ZDBF2: variants seen among roughly 807,000 people sequenced by gnomAD.
The protein encoded by ZDBF2 is zinc finger DBF-type containing 2.
A neutral mutation model predicts 9.4 loss-of-function variants in ZDBF2; 6 were observed. The observed-to-expected ratio is 0.64, with a 90% CI of 0.35 to 1.27. The LOEUF is 1.27. Among genes scored for constraint, ZDBF2 ranks in the 50% most tolerant of loss-of-function variants. ZDBF2 has a pLI of 0.03. For missense variants in ZDBF2, 2,697 were observed against 2,766.8 expected (o/e 0.97, Z 0.57); for synonymous variants, 905 against 946.3 (o/e 0.96, Z 0.80).
intron 4 of ZDBF2, among the ~76,000 whole-genome samples, chr2:206,301,576 C>T (rs1203746874): frequency 6.6e-6 from 1 of 151,704 alleles, no homozygotes; most frequent in Admixed American, 6.6e-5. Context: ...TTTTGAATAC[C>T]ATTTTGTTTC....
At chr2:206,301,307 A>T (rs1484360014) in intron 4 of ZDBF2, among the ~76,000 whole-genome samples, 4 of 152,136 alleles carry the variant, frequency 2.6e-5, no homozygotes, top group African/African-American at 7.2e-5. Context: ...TGTATATGTT[A>T]TTCTTTATTA....
At chr2:206,297,961 G>A (rs796083553) in intron 4 of ZDBF2, among the ~76,000 whole-genome samples, 41 of 152,264 alleles carry the variant, frequency 2.7e-4, no homozygotes, top group African/African-American at 8.7e-4. Flanking sequence ...GATTACAGGC[G>A]TGAGCTACCA....
intron 3 of ZDBF2, chr2:206,292,155 T>G (rs1315947624): frequency 1.0e-5 from 4 of 398,066 alleles, no homozygotes; most frequent in Non-Finnish European, 1.8e-5. Context: ...AATACTGTCT[T>G]GTGGGATGAA....
At position 206,305,682 on chromosome 2, in the gene ZDBF2, T is replaced by C; in HGVS notation, c.1154T>C (p.Leu385Ser). ...SDQPQETAQD[L>S]SLWKEEQIDQ... Reference sequence around the variant, plus strand: ...CAGCCCCAAGAGACTGCACAAGACTTAAGTCTTTGGAAGGAGGAGCAAATT... The same window carrying C: ...CAGCCCCAAGAGACTGCACAAGACTCAAGTCTTTGGAAGGAGGAGCAAATT... The change falls in exon 5 of 5, where the codon TTA becomes TCA. Residue 385 changes from leucine to serine, a missense_variant. Leu to Ser is a moderately radical substitution (Grantham distance 145). This residue lies in a region of ZDBF2 where 910 missense variants were observed against 973.6 expected (regional missense o/e 0.93). Coordinates refer to ENST00000374423, the MANE Select transcript of ZDBF2 (RefSeq NM_020923.3). 2.5e-6 allele frequency: 4 copies of C among 1,613,680 alleles called. No homozygotes were observed. Among genetic ancestry groups the C allele is most frequent in the Non-Finnish European group, 3.4e-6 (4 of 1,179,772 alleles).
At chr2:206,281,741 C>G (rs1028052820) in intron 2 of ZDBF2, 60 bp from the exon 3 acceptor site, 1 of 981,248 alleles carries the variant, frequency 1.0e-6, no homozygotes, top group African/African-American at 1.7e-5. Flanking sequence ...ATTATCATAG[C>G]CATTTTCCTC....
rs747179449 is a variant in ZDBF2 at position 206,309,918 on chromosome 2, C to CTGT, written c.5391_5393dup (p.Val1798dup). ...TCAAGCTCTGTTCTCAAGGTTGATT[C>CTGT]TGTAAGGAACCTGAAAAAAGCAAAG... On this transcript the variant is annotated inframe_insertion, in exon 5 of 5. Coordinates refer to ENST00000374423, the MANE Select transcript of ZDBF2 (RefSeq NM_020923.3). 2 of 1,613,904 alleles carry CTGT rather than the reference C, an allele frequency of 1.2e-6. No homozygotes were observed. The highest frequency in any genetic ancestry group is 1.7e-6 in the Non-Finnish European group (2 of 1,179,880).
At chr2:206,280,654 A>C (rs1451418768) in intron 2 of ZDBF2, among the ~76,000 whole-genome samples, 2 of 152,210 alleles carry the variant, frequency 1.3e-5, no homozygotes, top group African/African-American at 4.8e-5. Flanking sequence ...AATTTTCCTC[A>C]TAAATGTGAG....
intron 3 of ZDBF2, among the ~76,000 whole-genome samples, chr2:206,295,450 G>T (rs965868535): frequency 6.9e-6 from 1 of 145,938 alleles, no homozygotes; most frequent in South Asian, 2.2e-4. Flanking sequence ...TGCAACCTCC[G>T]CCTCCAGGGT....
At position 206,306,683 on chromosome 2, in the gene ZDBF2, C is replaced by G; in HGVS notation, c.2155C>G (p.His719Asp). 1 of 1,613,806 alleles carries G rather than the reference C, an allele frequency of 6.2e-7. No homozygotes were observed. Among genetic ancestry groups the G allele is most frequent in the Non-Finnish European group, 8.5e-7 (1 of 1,179,792 alleles). The change falls in exon 5 of 5, where the codon CAT (histidine) becomes GAT (aspartate). Residue 719 changes from histidine to aspartate, a missense_variant. Around this residue, in one of 3 missense-constraint regions of ZDBF2, gnomAD observed 910 missense variants for 973.6 expected, o/e 0.93. Coordinates refer to ENST00000374423, the MANE Select transcript of ZDBF2 (RefSeq NM_020923.3). ...TCCGGCTTCTCTTTATCATTCAGCT[C>G]ATGATGAGCCTCAAGAAGCTTTGGA... is the stretch of plus-strand genomic sequence containing the variant. ...DSPASLYHSA[H>D]DEPQEALDEV...
In ZDBF2 at chr2:206,305,531, T is replaced by C. The variant is rs200356180; in HGVS notation, c.1003T>C (p.Ser335Pro). The change falls in exon 5 of 5, where the codon TCT becomes CCT. Residue 335 changes from serine (S) to proline (P), a missense_variant. Ser to Pro is a moderately conservative substitution (Grantham distance 74). Transcript: ENST00000374423. ...TIAKNHEEFF[S>P]NMDCTQEEKH... ...TGCAAAGAACCATGAGGAATTCTTT[T>C]CTAACATGGATTGTACCCAAGAAGA... The C allele has an allele frequency of 3.1e-6, 5 of 1,613,630 alleles. No individual in the cohort carries two copies. In the East Asian group the frequency reaches 1.1e-4, roughly 36 times the overall value.
At chr2:206,295,415 G>A (rs1692119338) in intron 3 of ZDBF2, among the ~76,000 whole-genome samples, 1 of 144,564 alleles carries the variant, frequency 6.9e-6, no homozygotes, top group Non-Finnish European at 1.5e-5. Context: ...CCAGGTTGGA[G>A]TGCAGTGATG....
intron 3 of ZDBF2, among the ~76,000 whole-genome samples, chr2:206,284,653 T>C (rs1170952436): frequency 6.6e-6 from 1 of 152,228 alleles, no homozygotes. Flanking sequence ...TCTCTAGTTT[T>C]ACGAGCACAA....
chr2:206,305,948 C>T lies in ZDBF2; in HGVS notation c.1420C>T (p.Leu474Phe). ...CCAAATGATTGTTAAAGAAATAAGTCTTCAGAATGCAAGGCATATTAGCCT... is the reference window on the plus strand; with the variant it reads ...CCAAATGATTGTTAAAGAAATAAGTTTTCAGAATGCAAGGCATATTAGCCT... ...QSQMIVKEIS[L>F]QNARHISLVD... is the part of the protein sequence containing the mutation. The change falls in exon 5 of 5, where the codon CTT (leucine) becomes TTT (phenylalanine). Residue 474 changes from leucine to phenylalanine, a missense_variant. Transcript: ENST00000374423. 4 of 1,613,306 alleles carry T rather than the reference C, an allele frequency of 2.5e-6. No homozygotes were observed. The highest frequency in any genetic ancestry group is 3.4e-6 in the Non-Finnish European group (4 of 1,179,624).
At chr2:206,277,400 G>A (rs1030041713) in intron 1 of ZDBF2, among the ~76,000 whole-genome samples, 2 of 151,562 alleles carry the variant, frequency 1.3e-5, no homozygotes, top group African/African-American at 2.4e-5. Flanking sequence ...AGAAATCTCT[G>A]TTCACTGCCT....
In ZDBF2 at chr2:206,311,714, T is replaced by C; in HGVS notation, c.*121T>C. 9 of 1,043,636 alleles carry C rather than the reference T, an allele frequency of 8.6e-6. No individual in the cohort carries two copies. The highest frequency in any genetic ancestry group is 1.0e-5 in the Non-Finnish European group (8 of 798,518). The allele number at this position is 1,043,636 out of a possible 1,614,324, so 64.6% of individuals were successfully genotyped here. On this transcript the variant is annotated 3_prime_UTR_variant, in exon 5 of 5. Coordinates refer to ENST00000374423, the MANE Select transcript of ZDBF2 (RefSeq NM_020923.3). Reference sequence around the variant, plus strand: ...AAACTAATCTTGAACTATTTTGCTATAAATATTATTTTTCAGAATTTTTAT... The same window carrying C: ...AAACTAATCTTGAACTATTTTGCTACAAATATTATTTTTCAGAATTTTTAT...
intron 3 of ZDBF2, among the ~76,000 whole-genome samples, chr2:206,296,187 C>G (rs1337372240): frequency 6.6e-6 from 1 of 152,138 alleles, no homozygotes; most frequent in Non-Finnish European, 1.5e-5. Context: ...TCAGTTACAG[C>G]CAGATGTGGC....
intron 4 of ZDBF2, among the ~76,000 whole-genome samples, chr2:206,300,596 A>G (rs996988099): frequency 5.3e-5 from 8 of 152,180 alleles, no homozygotes; most frequent in African/African-American, 1.9e-4. Context: ...GAGCCACTTG[A>G]TTAAGGTACT....
chr2:206,286,839 G>A (rs963313076), intron 3 of ZDBF2, among the ~76,000 whole-genome samples: 10 of 152,162 alleles, frequency 6.6e-5, no homozygotes, highest in Middle Eastern at 3.2e-3. Flanking sequence ...ATTGATATGC[G>A]AGGAATTGCT....
At chr2:206,284,174 C>CT (rs893604708) in intron 3 of ZDBF2, among the ~76,000 whole-genome samples, 7 of 147,996 alleles carry the variant, frequency 4.7e-5, no homozygotes, top group South Asian at 2.2e-4. Flanking sequence ...TAGGGCTATA[C>CT]TTTTTTTTTT....
Sources: allele counts gnomAD v4.1 joint callset (sites outside exome capture counted in the v4.1 genomes callset), GRCh38; gene constraint gnomAD v4.1.1; regional missense constraint gnomAD v4.1.1; transcripts MANE v1.5; gene names NCBI Gene and HGNC (gene_info 2026-07-23, HGNC 2026-07-21).